UBR1: variants seen among roughly 807,000 people sequenced by gnomAD.
UBR1 encodes E3 ubiquitin-protein ligase UBR1.
A neutral mutation model predicts 242.1 loss-of-function variants in UBR1; 102 were observed. The ratio of observed to expected loss-of-function variants is 0.42; its 90% CI spans 0.36 to 0.50. The LOEUF is 0.50. Among genes scored for constraint, UBR1 ranks in the 20% least tolerant of loss-of-function variants. The pLI, the probability that UBR1 is intolerant of heterozygous loss-of-function variation, is 0.01. For synonymous variants in UBR1, 675 were observed against 684.8 expected (o/e 0.99, Z 0.22); for missense variants, 1,772 against 2,101.8 (o/e 0.84, Z 3.07).
At chr15:43,080,656 G>A (rs1011610047) in intron 3 of UBR1, among the ~76,000 whole-genome samples, 1 of 152,174 alleles carries the variant, frequency 6.6e-6, no homozygotes, top group Non-Finnish European at 1.5e-5. Context: ...GAAGAAAGCT[G>A]CTATAAAACA....
intron 1 of UBR1, among the ~76,000 whole-genome samples, chr15:43,092,335 G>A (rs937819607): frequency 9.2e-5 from 14 of 152,074 alleles, no homozygotes; most frequent in Admixed American, 5.9e-4. Flanking sequence ...TTATACCACT[G>A]GCTGATATCA....
intron 42 of UBR1, among the ~76,000 whole-genome samples, chr15:42,961,715 G>A (rs1184445381): frequency 6.6e-6 from 1 of 151,804 alleles, no homozygotes; most frequent in Non-Finnish European, 1.5e-5. Flanking sequence ...TTACAGGTGT[G>A]AGCCACTGTG....
At chr15:42,950,189 T>A (rs1326600778) in intron 46 of UBR1, 73 bp downstream of exon 46, 1 of 1,307,660 alleles carries the variant, frequency 7.6e-7, no homozygotes, top group Non-Finnish European at 1.1e-6. Context: ...TACAATAATG[T>A]GACTGAAATA....
chr15:43,050,975 T>A (rs1488777988), intron 12 of UBR1, among the ~76,000 whole-genome samples: 1 of 152,118 alleles, frequency 6.6e-6, no homozygotes, highest in East Asian at 1.9e-4. Flanking sequence ...ACACTGTTGG[T>A]AGGAGCATAA....
At chr15:43,023,311 C>T (rs1596106274) in intron 25 of UBR1, among the ~76,000 whole-genome samples, 1 of 152,142 alleles carries the variant, frequency 6.6e-6, no homozygotes, top group South Asian at 2.1e-4. Context: ...TTCAACCTGG[C>T]CCGGAGCTGG....
rs778535453 is a variant in UBR1, at chr15:43,047,150, A to C, written c.1668+11T>G. 15 of 1,613,928 alleles carry C rather than the reference A, an allele frequency of 9.3e-6. No individual in the cohort carries two copies. The highest frequency in any genetic ancestry group is 1.3e-5 in the Non-Finnish European group (15 of 1,180,000). ...AAAAAGGCACTGATCCTACTAACAA[A>C]TTTTACTTACATCACAAGCACACCA... On this transcript the variant is annotated intron_variant, in intron 14 of 46. Coordinates refer to ENST00000290650, the MANE Select transcript of UBR1 (RefSeq NM_174916.3).
intron 6 of UBR1, 105 bp downstream of exon 6, chr15:43,067,793 G>C: frequency 7.4e-7 from 1 of 1,345,028 alleles, no homozygotes; most frequent in East Asian, 2.3e-5. Flanking sequence ...AATAAATGGA[G>C]AGGATGGTCA....
intron 2 of UBR1, among the ~76,000 whole-genome samples, chr15:43,083,401 C>T (rs138490318): frequency 3.4e-4 from 51 of 152,194 alleles, no homozygotes; most frequent in African/African-American, 1.2e-3. Context: ...GAGACAATCT[C>T]ACTCTGTCAC....
intron 27 of UBR1, among the ~76,000 whole-genome samples, chr15:43,018,391 T>C (rs1273236956): frequency 6.6e-6 from 1 of 152,170 alleles, no homozygotes; most frequent in Non-Finnish European, 1.5e-5. Context: ...CATTCATTAA[T>C]TCATTAATTC....
intron 32 of UBR1, 115 bp downstream of exon 32, chr15:43,002,440 C>T (rs755490021): frequency 1.1e-4 from 141 of 1,238,792 alleles, no homozygotes; most frequent in Non-Finnish European, 1.5e-4. Flanking sequence ...AGGCTGGTCT[C>T]GAACCCCTGA....
intron 12 of UBR1, among the ~76,000 whole-genome samples, chr15:43,050,348 A>G (rs1231254209): frequency 6.6e-6 from 1 of 152,196 alleles, no homozygotes; most frequent in Non-Finnish European, 1.5e-5. Context: ...TTTGCAAACT[A>G]TGCATCTGAC....
intron 29 of UBR1, among the ~76,000 whole-genome samples, chr15:43,009,111 C>A (rs903334708): frequency 2.0e-5 from 3 of 152,234 alleles, no homozygotes; most frequent in African/African-American, 7.2e-5. Flanking sequence ...CCAAAGCTTG[C>A]CACGTTGCAG....
In UBR1 at chr15:42,983,871, T is replaced by C. The variant is rs772547748; in HGVS notation, c.4150+26A>G. The C allele has an allele frequency of 5.6e-6, 8 of 1,438,110 alleles. No individual in the cohort carries two copies. The African/African-American group carries it at 1.0e-4, about 18-fold the overall frequency. 89.1% of individuals were successfully genotyped at this position (1,438,110 alleles called of 1,614,324 possible). On this transcript the variant is annotated intron_variant, in intron 37 of 46. Coordinates refer to ENST00000290650, the MANE Select transcript of UBR1 (RefSeq NM_174916.3). ...AAAGATATATAAATAATATAATACA[T>C]AATAATAGTTCAGAGAAGACTCTAC... is the stretch of plus-strand genomic sequence containing the variant.
At chr15:42,998,289 AT>A in intron 32 of UBR1, 24 bp from the exon 33 acceptor site, 2 of 1,584,274 alleles carry the variant, frequency 1.3e-6, no homozygotes, top group Non-Finnish European at 1.7e-6. Flanking sequence ...TTTAAAAATT[AT>A]TACAACCATG....
intron 43 of UBR1, among the ~76,000 whole-genome samples, chr15:42,958,486 A>G (rs1174782396): frequency 6.6e-6 from 1 of 152,210 alleles, no homozygotes; most frequent in Non-Finnish European, 1.5e-5. Context: ...GGGATAAAAT[A>G]TACCATACTC....
chr15:42,960,653 G>A lies in UBR1; in HGVS notation c.4749C>T (p.Thr1583=), dbSNP rs376331294. The A allele has an allele frequency of 5.4e-5, 87 of 1,613,942 alleles. No individual in the cohort carries two copies. The Middle Eastern group carries it at 1.5e-3, about 28-fold the overall frequency. Residue 1583 remains threonine (T), a synonymous_variant, in exon 43 of 47, where the codon ACC becomes ACT. Transcript: ENST00000290650. The stretch of plus-strand genomic sequence containing the variant: ...TAAGTAGTAAAACCAACCTGACCAC[G>A]GTGTTTTTTTGCTTCAAACAGTTTA... ...ALLNCLKQKN[T]VVRYPRKRNS...
intron 42 of UBR1, among the ~76,000 whole-genome samples, chr15:42,962,382 C>T (rs563715274): frequency 2.0e-5 from 3 of 152,300 alleles, no homozygotes; most frequent in African/African-American, 7.2e-5. Context: ...CCAGCAGATA[C>T]TGGAATCACA....
intron 1 of UBR1, among the ~76,000 whole-genome samples, chr15:43,091,365 T>C (rs1298989762): frequency 2.0e-5 from 3 of 152,244 alleles, no homozygotes; most frequent in South Asian, 2.1e-4. Flanking sequence ...TTTTGGATTT[T>C]AGATTTTCAG....
At position 43,062,519 on chromosome 15, in the gene UBR1, C is replaced by T. The variant is rs1024610620; in HGVS notation, c.799-2405G>A. On this transcript the variant is annotated intron_variant, in intron 6 of 46. Transcript: ENST00000290650. Reference sequence around the variant, plus strand: ...GGAAAAGTTCTAGAGATCTGTTGCACGACAAGATAGTTAACACTAGTATAT... The same window carrying T: ...GGAAAAGTTCTAGAGATCTGTTGCATGACAAGATAGTTAACACTAGTATAT... Among the ~76,000 whole-genome samples, 10 of 151,894 alleles carry T rather than the reference C, an allele frequency of 6.6e-5. 1 individual carries two copies. The highest frequency in any genetic ancestry group is 1.3e-4 in the Admixed American group (2 of 15,244).
Sources: allele counts gnomAD v4.1 joint callset (sites outside exome capture counted in the v4.1 genomes callset), GRCh38; gene constraint gnomAD v4.1.1; transcripts MANE v1.5; gene names NCBI Gene and HGNC (gene_info 2026-07-23, HGNC 2026-07-21).